DMD: variants seen among roughly 807,000 people sequenced by gnomAD.
DMD encodes mutant dystrophin.
In DMD, 63 loss-of-function variants were observed where a neutral mutation model predicts 330.1. That is an observed-to-expected ratio of 0.19 (90% CI 0.16 to 0.24). The LOEUF is 0.24. Ranked by LOEUF, DMD falls within the 10% of genes least tolerant of loss-of-function variation. The pLI is 1.00. For synonymous variants in DMD, 1,223 were observed against 959.8 expected, an observed-to-expected ratio of 1.27 and a Z score of -5.07; for missense variants, 3,344 against 2,684.1, an observed-to-expected ratio of 1.25 and a Z score of -5.43.
intron 2 of DMD, among the ~76,000 whole-genome samples, chrX:32,938,528 T>A (rs1774776818): frequency 9.0e-6 from 1 of 111,593 alleles, no homozygotes; most frequent in African/African-American, 3.3e-5. Context: ...TATACCCACC[T>A]ATTCATTTCC....
chrX:31,549,369 A>G (rs1452775642), intron 55 of DMD, among the ~76,000 whole-genome samples: 1 of 111,544 alleles, frequency 9.0e-6, no homozygotes, highest in Non-Finnish European at 1.9e-5. Context: ...AGAATGGCCA[A>G]GGTCTATGCA....
chrX:32,461,874 C>G (rs964177148), intron 25 of DMD, among the ~76,000 whole-genome samples: 1 of 110,483 alleles, frequency 9.1e-6, no homozygotes, highest in African/African-American at 3.3e-5. Flanking sequence ...TGTGAGCTAG[C>G]TGACCCAGGG....
chrX:32,366,967 T>C (rs888502843), intron 34 of DMD, among the ~76,000 whole-genome samples: 3 of 112,338 alleles, frequency 2.7e-5, no homozygotes, highest in Non-Finnish European at 5.6e-5. Context: ...GTGCTATTTG[T>C]TGCACACAGG....
intron 47 of DMD, among the ~76,000 whole-genome samples, chrX:31,886,533 T>C (rs1223723257): frequency 8.9e-6 from 1 of 112,089 alleles, no homozygotes; most frequent in East Asian, 2.8e-4. Context: ...CTGACCTATG[T>C]ATAGGCCTAT....
intron 1 of DMD, among the ~76,000 whole-genome samples, chrX:33,280,407 AG>A (rs1415223536): frequency 8.9e-6 from 1 of 112,453 alleles, no homozygotes; most frequent in African/African-American, 3.2e-5. Flanking sequence ...CTTTAACGTT[AG>A]ATCCCAAATA....
chrX:32,021,585 C>T (rs777838516), intron 44 of DMD, among the ~76,000 whole-genome samples: 4 of 111,991 alleles, frequency 3.6e-5, no homozygotes, highest in Non-Finnish European at 7.5e-5. Context: ...CATTAGCCAC[C>T]TGTGGCTATT....
intron 74 of DMD, among the ~76,000 whole-genome samples, chrX:31,149,876 C>G (rs2037186581): frequency 8.9e-6 from 1 of 111,886 alleles, no homozygotes; most frequent in Admixed American, 9.5e-5. Flanking sequence ...ATTTTCACTT[C>G]TTAGTGCATT....
At chrX:33,047,134 T>A (rs988639290) in intron 1 of DMD, among the ~76,000 whole-genome samples, 2 of 111,833 alleles carry the variant, frequency 1.8e-5, no homozygotes, top group Non-Finnish European at 3.8e-5. Context: ...TTCATATAGC[T>A]ACTTTGCAGT....
At chrX:31,773,724 C>CTTTTTTTTTTTTTTTTTT (rs762551529) in intron 51 of DMD, among the ~76,000 whole-genome samples, 6 of 53,545 alleles carry the variant, frequency 1.1e-4, no homozygotes, top group East Asian at 6.4e-4. Flanking sequence ...AAGGTTTCTG[C>CTTTTTTTTTTTTTTTTTT]TTTTTTTTTT....
chrX:32,279,183 A>C (rs1206410808), intron 43 of DMD, among the ~76,000 whole-genome samples: 1 of 111,732 alleles, frequency 8.9e-6, no homozygotes, highest in Non-Finnish European at 1.9e-5. Flanking sequence ...GAGAGTGTGA[A>C]GAAAAGGGGA....
chrX:33,053,357 A>G (rs921429238), intron 1 of DMD, among the ~76,000 whole-genome samples: 2 of 111,305 alleles, frequency 1.8e-5, no homozygotes, highest in African/African-American at 6.5e-5. Flanking sequence ...TAACTTTGGG[A>G]GGCTGAGGCG....
intron 48 of DMD, among the ~76,000 whole-genome samples, chrX:31,854,954 GCCAA>G (rs2149573886): frequency 9.0e-6 from 1 of 111,433 alleles, no homozygotes; most frequent in Non-Finnish European, 1.9e-5. Context: ...TCCAGCAATT[GCCAA>G]ATTCCCCTGG....
chrX:32,778,378 T>C, intron 7 of DMD, among the ~76,000 whole-genome samples: 1 of 111,052 alleles, frequency 9.0e-6, no homozygotes, highest in East Asian at 2.8e-4. Context: ...GGGCAGTTTG[T>C]CAGGCCCCAA....
intron 44 of DMD, among the ~76,000 whole-genome samples, chrX:32,079,960 G>A (rs985357122): frequency 4.5e-5 from 5 of 111,951 alleles, no homozygotes; most frequent in African/African-American, 6.5e-5. Context: ...AACTTATAGG[G>A]TTTAAGGATT....
chrX:31,356,380 C>G (rs769595871), intron 60 of DMD, among the ~76,000 whole-genome samples: 1 of 110,757 alleles, frequency 9.0e-6, no homozygotes, highest in Non-Finnish European at 1.9e-5. Flanking sequence ...CCTTTCTCCT[C>G]CAGCCCTCCC....
intron 76 of DMD, among the ~76,000 whole-genome samples, chrX:31,142,259 G>A (rs1253177233): frequency 9.0e-6 from 1 of 111,578 alleles, no homozygotes; most frequent in African/African-American, 3.3e-5. Flanking sequence ...TAGAAGGCAC[G>A]TGTTCAAGTG....
chrX:32,517,703 G>C, intron 18 of DMD: 1 of 375,959 alleles, frequency 2.7e-6, no homozygotes. Context: ...TGAGGTAACT[G>C]AACAATATAT....
intron 20 of DMD, among the ~76,000 whole-genome samples, chrX:32,488,418 A>G (rs926432384): frequency 8.9e-6 from 1 of 111,813 alleles, no homozygotes; most frequent in African/African-American, 3.3e-5. Context: ...GATCATTAGA[A>G]TATGAGCTAA....
At chrX:31,291,932 A>G (rs2053729871) in intron 62 of DMD, among the ~76,000 whole-genome samples, 1 of 111,156 alleles carries the variant, frequency 9.0e-6, no homozygotes, top group Admixed American at 9.7e-5. Context: ...ATAAAACTCA[A>G]TCTCTATCTC....
Sources: allele counts gnomAD v4.1 joint callset (sites outside exome capture counted in the v4.1 genomes callset), GRCh38; gene constraint gnomAD v4.1.1; transcripts MANE v1.5; gene names NCBI Gene and HGNC (gene_info 2026-07-23, HGNC 2026-07-21).